Variants in PTPRG observed in about 807,000 individuals in gnomAD.
The protein encoded by PTPRG is receptor-type tyrosine-protein phosphatase gamma.
PTPRG carries 102 observed loss-of-function variants against 165.3 expected under a neutral mutation model. That is an observed-to-expected ratio of 0.62 (90% CI 0.53 to 0.73). The LOEUF (loss-of-function observed/expected upper bound fraction) is 0.73. Ranked by LOEUF, PTPRG falls within the 30% of genes least tolerant of loss-of-function variation. PTPRG has a pLI of 0.00. For synonymous variants in PTPRG, 675 were observed against 669.5 expected (o/e 1.01, Z -0.13); for missense variants, 1,866 against 1,861.4 (o/e 1.00, Z -0.05).
chr3:62,043,206 T>C (rs1700182529), intron 4 of PTPRG, among the ~76,000 whole-genome samples: 1 of 152,222 alleles, frequency 6.6e-6, no homozygotes, highest in Non-Finnish European at 1.5e-5. Flanking sequence ...CCAATATGTT[T>C]TTCCACTAGG....
intron 12 of PTPRG, among the ~76,000 whole-genome samples, chr3:62,212,724 T>C (rs541478753): frequency 6.6e-6 from 1 of 152,306 alleles, no homozygotes; most frequent in East Asian, 1.9e-4. Flanking sequence ...AGTGTGCCGC[T>C]TGGTTCCAAC....
intron 4 of PTPRG, among the ~76,000 whole-genome samples, chr3:62,045,383 TGGTGTC>T (rs1559764506): frequency 6.6e-6 from 1 of 152,222 alleles, no homozygotes; most frequent in Non-Finnish European, 1.5e-5. Flanking sequence ...GCTACAAAGC[TGGTGTC>T]GAGTTAGCTG....
At chr3:61,843,535 A>T (rs2036713493) in intron 2 of PTPRG, among the ~76,000 whole-genome samples, 1 of 152,208 alleles carries the variant, frequency 6.6e-6, no homozygotes, top group Admixed American at 6.5e-5. Flanking sequence ...GTGAAGAAGA[A>T]GTTAAAATGA....
intron 4 of PTPRG, among the ~76,000 whole-genome samples, chr3:62,008,388 A>G (rs2041344578): frequency 6.6e-6 from 1 of 152,244 alleles, no homozygotes; most frequent in African/African-American, 2.4e-5. Flanking sequence ...GAAGTCTTCA[A>G]TAAGCTTAAA....
intron 5 of PTPRG, among the ~76,000 whole-genome samples, chr3:62,080,731 T>A (rs1402910256): frequency 6.6e-6 from 1 of 152,216 alleles, no homozygotes; most frequent in East Asian, 1.9e-4. Context: ...CTCTATAAAC[T>A]CTTGTTAAAT....
At chr3:62,097,957 T>A (rs970212686) in intron 5 of PTPRG, among the ~76,000 whole-genome samples, 1 of 152,238 alleles carries the variant, frequency 6.6e-6, no homozygotes, top group Non-Finnish European at 1.5e-5. Context: ...TATGTTAGAC[T>A]AATAACTACT....
intron 1 of PTPRG, among the ~76,000 whole-genome samples, chr3:61,717,080 TG>T (rs2031841655): frequency 6.6e-6 from 1 of 152,240 alleles, no homozygotes; most frequent in Non-Finnish European, 1.5e-5. Context: ...AAAGATATAT[TG>T]ATGCTCTTGT....
intron 28 of PTPRG, 106 bp downstream of exon 28, chr3:62,282,975 T>A: frequency 9.7e-7 from 1 of 1,030,032 alleles, no homozygotes; most frequent in Non-Finnish European, 1.4e-6. Context: ...ATCAACAACC[T>A]CAGCTTGTGA....
chr3:62,243,471 C>G (rs1350621630), intron 14 of PTPRG: 1 of 168,210 alleles, frequency 5.9e-6, no homozygotes, highest in African/African-American at 2.4e-5. Flanking sequence ...TGTAACGTAC[C>G]AAATTTAGAA....
intron 8 of PTPRG, among the ~76,000 whole-genome samples, chr3:62,183,650 C>T (rs1465217210): frequency 6.6e-6 from 1 of 151,956 alleles, no homozygotes; most frequent in African/African-American, 2.4e-5. Flanking sequence ...TTTCCAGCAT[C>T]CTGTCACTCC....
chr3:61,798,239 G>A (rs912901856), intron 2 of PTPRG, among the ~76,000 whole-genome samples: 3 of 152,128 alleles, frequency 2.0e-5, no homozygotes, highest in Admixed American at 1.3e-4. Flanking sequence ...AGATGATTGT[G>A]GAAAGAAAAT....
chr3:61,972,871 C>A (rs1303517158), intron 2 of PTPRG, among the ~76,000 whole-genome samples: 2 of 150,646 alleles, frequency 1.3e-5, no homozygotes, highest in Non-Finnish European at 2.9e-5. Flanking sequence ...GTTGCTCAGG[C>A]TGGTCTTAAA....
At chr3:62,039,223 C>G (rs1411650999) in intron 4 of PTPRG, among the ~76,000 whole-genome samples, 3 of 151,610 alleles carry the variant, frequency 2.0e-5, no homozygotes, top group Non-Finnish European at 2.9e-5. Flanking sequence ...GCGTGAGCCA[C>G]CACCCCTAGC....
intron 1 of PTPRG, among the ~76,000 whole-genome samples, chr3:61,566,097 A>G (rs567274300): frequency 1.1e-4 from 17 of 152,310 alleles, no homozygotes; most frequent in Admixed American, 2.0e-4. Context: ...AAACACTAAT[A>G]AAGATAGGCA....
At chr3:61,767,971 C>CAAAA (rs35466366) in intron 2 of PTPRG, among the ~76,000 whole-genome samples, 6 of 104,156 alleles carry the variant, frequency 5.8e-5, no homozygotes, top group Non-Finnish European at 9.6e-5. Context: ...GACCCTGTCT[C>CAAAA]AAAAAAAAAA....
intron 2 of PTPRG, among the ~76,000 whole-genome samples, chr3:61,978,649 C>A (rs191688567): frequency 6.6e-5 from 10 of 152,268 alleles, no homozygotes; most frequent in Non-Finnish European, 1.3e-4. Context: ...TACCTATGTG[C>A]TGTATTTCTG....
At chr3:61,831,236 C>T (rs562137819) in intron 2 of PTPRG, among the ~76,000 whole-genome samples, 14 of 152,270 alleles carry the variant, frequency 9.2e-5, no homozygotes, top group Non-Finnish European at 1.6e-4. Flanking sequence ...CAGAATTTTT[C>T]ACTGAAATAT....
intron 28 of PTPRG, among the ~76,000 whole-genome samples, chr3:62,285,935 C>G (rs929511464): frequency 1.3e-5 from 2 of 152,158 alleles, no homozygotes. Flanking sequence ...AAAATACTAT[C>G]TGCCTTATTC....
intron 4 of PTPRG, among the ~76,000 whole-genome samples, chr3:62,025,261 CAT>C (rs1004014643): frequency 7.2e-5 from 11 of 152,120 alleles, no homozygotes; most frequent in African/African-American, 2.7e-4. Context: ...TATAGCAACA[CAT>C]ATTTTTGATG....
Sources: allele counts gnomAD v4.1 joint callset (sites outside exome capture counted in the v4.1 genomes callset), GRCh38; gene constraint gnomAD v4.1.1; transcripts MANE v1.5; gene names NCBI Gene and HGNC (gene_info 2026-07-23, HGNC 2026-07-21).